PRDM15: variants seen among roughly 807,000 people sequenced by gnomAD.
PRDM15 encodes PR/SET domain 15.
PRDM15 carries 64 observed loss-of-function variants against 128.6 expected under a neutral mutation model. The ratio of observed to expected loss-of-function variants is 0.50; its 90% CI spans 0.41 to 0.61. The LOEUF (loss-of-function observed/expected upper bound fraction) is 0.61, where lower values mean the gene tolerates loss of function less well. Ranked by LOEUF, PRDM15 falls within the 20% of genes least tolerant of loss-of-function variation. PRDM15 has a pLI of 0.00. For synonymous variants in PRDM15, 615 were observed against 621.8 expected, an observed-to-expected ratio of 0.99 and a Z score of 0.16; for missense variants, 1,242 against 1,569.1, an observed-to-expected ratio of 0.79 and a Z score of 3.52.
rs1482463343 is a variant in PRDM15 at position 41,820,288 on chromosome 21, A to C, written c.2061-114T>G. 30 of 744,198 alleles carry C rather than the reference A, an allele frequency of 4.0e-5. No homozygotes were observed. The East Asian group carries it at 7.8e-4, about 19-fold the overall frequency. 46.1% of individuals were successfully genotyped at this position (744,198 alleles called of 1,614,324 possible). A position where few individuals can be genotyped will look rare whatever the true frequency, so the allele number is the denominator to read the frequency against. On this transcript the variant is annotated intron_variant, in intron 16 of 23. Transcript: ENST00000398548. ...GGTGAGGCAACAAGGTGCCACGGGG[A>C]TGATAAAAGAAGCAGATATTTGAGC...
At chr21:41,865,481 A>C (rs900637808) in intron 1 of PRDM15, among the ~76,000 whole-genome samples, 2 of 151,930 alleles carry the variant, frequency 1.3e-5, no homozygotes, top group Non-Finnish European at 2.9e-5. Flanking sequence ...CTGATAAGAG[A>C]ATCAGCCACT....
rs539036361 is a variant in PRDM15 at position 41,804,839 on chromosome 21, G to T, written c.2653-225C>A. The stretch of plus-strand genomic sequence containing the variant: ...TATTTCATGCTCCCACAATGGTCTT[G>T]CCCCTGTATCATCTCACGTCCACTC... On this transcript the variant is annotated intron_variant, in intron 21 of 23. Transcript: ENST00000398548. The T allele has an allele frequency of 5.4e-4, 228 of 422,570 alleles. 1 individual carries two copies. Among genetic ancestry groups the T allele is most frequent in the Non-Finnish European group, 6.9e-4 (164 of 238,408 alleles). The allele number at this position is 422,570 out of a possible 1,614,324, so 26.2% of individuals were successfully genotyped here.
Position 41,821,278 on chromosome 21 carries a change from T to C in PRDM15, c.1897-48A>G, listed in dbSNP as rs768516519. On this transcript the variant is annotated intron_variant, in intron 15 of 23. Transcript: ENST00000398548. The surrounding 1 kb of genome is among the most constrained non-coding windows in gnomAD (Gnocchi z 5.4). ...ACTGCTGACACCCGCATGAGGTCCC[T>C]GGTCCTCTTAGCTAATGAGGTCGTG... 1.2e-6 allele frequency: 2 copies of C among 1,608,378 alleles called. No individual in the cohort carries two copies. Among genetic ancestry groups the C allele is most frequent in the Non-Finnish European group, 1.7e-6 (2 of 1,176,794 alleles).
chr21:41,835,477 G>A lies in PRDM15; in HGVS notation c.1326C>T (p.Phe442=). ...RYRCGTCEKT[F]RIESALEFHN... ...GGAACTCCAGCGCGCTCTCGATGCG[G>A]AAGGTCTTCTCACAAGTGCCGCAGC... The change falls in exon 11 of 24, where the codon TTC becomes TTT. Residue 442 remains phenylalanine, a synonymous_variant. Transcript: ENST00000398548. 1 of 1,610,594 alleles carries A rather than the reference G, an allele frequency of 6.2e-7. No individual in the cohort carries two copies. The highest frequency in any genetic ancestry group is 1.3e-5 in the African/African-American group (1 of 75,028).
intron 1 of PRDM15, among the ~76,000 whole-genome samples, chr21:41,872,676 T>C (rs1279195571): frequency 6.6e-6 from 1 of 152,194 alleles, no homozygotes; most frequent in Non-Finnish European, 1.5e-5. Context: ...ACATTCAACA[T>C]GCTGTGCACA....
chr21:41,854,191 G>A lies in PRDM15; in HGVS notation c.538+375C>T, dbSNP rs2063509083. Among the ~76,000 whole-genome samples the A allele has an allele frequency of 6.6e-6, 1 of 152,182 alleles. No homozygotes were observed. The highest frequency in any genetic ancestry group is 2.1e-4 in the South Asian group (1 of 4,828). The stretch of plus-strand genomic sequence containing the variant: ...AGTACAGTCACATGCTGGACAGGCT[G>A]GTAGCTAGAACAGGCTACACCATAC... On this transcript the variant is annotated intron_variant, in intron 5 of 23. Transcript: ENST00000398548. The surrounding 1 kb of genome is among the most constrained non-coding windows in gnomAD (Gnocchi z 4.6).
chr21:41,816,924 C>T (rs944361243), intron 18 of PRDM15, among the ~76,000 whole-genome samples: 3 of 150,030 alleles, frequency 2.0e-5, no homozygotes, highest in Non-Finnish European at 4.4e-5. Flanking sequence ...CCGGTCACTG[C>T]TGACACGCCC....
intron 1 of PRDM15, among the ~76,000 whole-genome samples, chr21:41,875,333 C>T (rs1019218407): frequency 3.1e-4 from 48 of 152,392 alleles, no homozygotes; most frequent in African/African-American, 1.2e-3. Context: ...CCTGCCAGGC[C>T]CCGGACGGCA....
At chr21:41,858,991 G>C (rs1020896276) in intron 3 of PRDM15, 3 of 1,469,378 alleles carry the variant, frequency 2.0e-6, no homozygotes, top group South Asian at 2.5e-5. Flanking sequence ...CTCTACAGAG[G>C]CCACCGAGGT....
At chr21:41,823,681 G>A (rs533156614) in intron 13 of PRDM15, among the ~76,000 whole-genome samples, 9 of 152,320 alleles carry the variant, frequency 5.9e-5, no homozygotes, top group African/African-American at 1.7e-4. Flanking sequence ...ATAGAAAATT[G>A]ACCATTTCCT....
rs76602853 is a variant in PRDM15 at position 41,836,722 on chromosome 21, C to T, written c.1002-73G>A. 1,636 of 1,340,764 alleles carry T rather than the reference C, an allele frequency of 1.2e-3. 31 individuals carry two copies. In the East Asian group the frequency reaches 0.035, roughly 29 times the overall value. 83.1% of individuals were successfully genotyped at this position (1,340,764 alleles called of 1,614,324 possible). A position where few individuals can be genotyped will look rare whatever the true frequency, so the allele number is the denominator to read the frequency against. ...TTCCAGGTTACAAGCAGCATGAAAA[C>T]GGCCTCCTTCCAAAACTTCCCAGCT... is the stretch of plus-strand genomic sequence containing the variant. On this transcript the variant is annotated intron_variant, in intron 8 of 23. Coordinates refer to ENST00000398548, the MANE Select transcript of PRDM15 (RefSeq NM_001040424.3).
rs946958671 is a variant in PRDM15, at chr21:41,854,262, C to T, written c.538+304G>A. Among the ~76,000 whole-genome samples the T allele has an allele frequency of 3.3e-5, 5 of 152,164 alleles. No homozygotes were observed. Among genetic ancestry groups the T allele is most frequent in the Middle Eastern group, 3.2e-3 (1 of 316 alleles). On this transcript the variant is annotated intron_variant, in intron 5 of 23. Transcript: ENST00000398548. This position sits in a 1 kb window ranked among gnomAD's most constrained non-coding sequence, Gnocchi z 4.6. ...CAGGCCATCAAGGTGCGCGAGAGTG[C>T]GCTCTACCATGCACTCATGACAATG...
chr21:41,855,470 G>A (rs1375325255), intron 4 of PRDM15, among the ~76,000 whole-genome samples: 1 of 152,180 alleles, frequency 6.6e-6, no homozygotes, highest in Admixed American at 6.5e-5. Flanking sequence ...CCTCCCTGCA[G>A]GAAGAGAGCT....
chr21:41,875,853 G>A (rs547826328), intron 1 of PRDM15, among the ~76,000 whole-genome samples: 13 of 152,306 alleles, frequency 8.5e-5, no homozygotes, highest in Admixed American at 3.3e-4. Flanking sequence ...CTCGTGTGTA[G>A]CTTCCTGACA....
At chr21:41,839,326 A>T (rs367747167) in intron 7 of PRDM15, among the ~76,000 whole-genome samples, 1 of 152,256 alleles carries the variant, frequency 6.6e-6, no homozygotes, top group African/African-American at 2.4e-5. Flanking sequence ...GACAGTCAGG[A>T]AAGTGGCTAA....
intron 1 of PRDM15, among the ~76,000 whole-genome samples, chr21:41,872,512 T>TC (rs1347399564): frequency 4.0e-5 from 6 of 151,786 alleles, no homozygotes; most frequent in Non-Finnish European, 8.8e-5. Context: ...ATTGATTTTT[T>TC]ATATTTGCTT....
At chr21:41,838,854 A>G (rs77765676) in intron 7 of PRDM15, among the ~76,000 whole-genome samples, 2,762 of 152,254 alleles carry the variant, frequency 0.018, 93 homozygotes, top group African/African-American at 0.062. Flanking sequence ...AGCAATAAGG[A>G]CTCCTTTTCA....
intron 4 of PRDM15, among the ~76,000 whole-genome samples, chr21:41,856,581 C>T (rs969952102): frequency 2.6e-5 from 4 of 152,120 alleles, no homozygotes; most frequent in Non-Finnish European, 5.9e-5. Context: ...AAACCAGCCT[C>T]GCCTGGCCTC....
Position 41,878,900 on chromosome 21 carries a change from G to A in PRDM15, c.-10+370C>T, listed in dbSNP as rs1156876219. ...CGGGCGAGCGCGGCCCGGCAGCCCC[G>A]CGGCCCCGCGCTGGGCCTGGCCGCG... On this transcript the variant is annotated intron_variant, in intron 1 of 23. Transcript: ENST00000398548. The A allele has an allele frequency of 4.9e-5, 47 of 954,452 alleles. No homozygotes were observed. The African/African-American group carries it at 8.1e-4, about 17-fold the overall frequency. 59.1% of individuals were successfully genotyped at this position (954,452 alleles called of 1,614,324 possible). A position where few individuals can be genotyped will look rare whatever the true frequency, so the allele number is the denominator to read the frequency against.
Sources: gnomAD v4.1 joint callset for allele counts (sites outside exome capture counted in the v4.1 genomes callset) on GRCh38, gnomAD v4.1.1 for gene constraint, Gnocchi (gnomAD v3.1) non-coding constraint, MANE v1.5 for transcripts, NCBI Gene and HGNC (gene_info 2026-07-23, HGNC 2026-07-21) for gene names.